SLC20A2: variants seen among roughly 807,000 people sequenced by gnomAD.
SLC20A2 encodes sodium-dependent phosphate transporter 2.
A neutral mutation model predicts 61.0 loss-of-function variants in SLC20A2; 30 were observed. That is an observed-to-expected ratio of 0.49 (90% CI 0.37 to 0.67). The LOEUF (loss-of-function observed/expected upper bound fraction) is 0.67, where lower values mean the gene tolerates loss of function less well. Among genes scored for constraint, SLC20A2 ranks in the 30% least tolerant of loss-of-function variants. SLC20A2 has a pLI of 0.00. For synonymous variants in SLC20A2, 351 were observed against 353.3 expected, an observed-to-expected ratio of 0.99 and a Z score of 0.07; for missense variants, 626 against 866.4, an observed-to-expected ratio of 0.72 and a Z score of 3.48.
chr8:42,428,666 A>C (rs1316458692), intron 10 of SLC20A2, 92 bp downstream of exon 10: 2 of 1,107,036 alleles, frequency 1.8e-6, no homozygotes, highest in Non-Finnish European at 2.6e-6. Context: ...ACAACCATCT[A>C]CAGAGCCCTA....
chr8:42,439,308 G>A, intron 7 of SLC20A2, 142 bp downstream of exon 7: 1 of 743,418 alleles, frequency 1.3e-6, no homozygotes, highest in Non-Finnish European at 2.1e-6. Flanking sequence ...GGCCTCCCTA[G>A]CTTCTGGGTT....
rs556540698 is a variant in SLC20A2 at position 42,429,999 on chromosome 8, C to T, written c.1709+65G>A. The T allele has an allele frequency of 2.0e-3, 2,902 of 1,428,492 alleles. 9 individuals are homozygous for T. Among genetic ancestry groups the T allele is most frequent in the Non-Finnish European group, 2.5e-3 (2,680 of 1,059,164 alleles). The allele number at this position is 1,428,492 out of a possible 1,614,324, so 88.5% of individuals were successfully genotyped here. ...GCTGAGCAGGCCGTTCAGACACAGC[C>T]GGGAAGCTCTACCCAGGCCTCGGAT... On this transcript the variant is annotated intron_variant, in intron 9 of 10. Transcript: ENST00000520262.
At chr8:42,536,203 G>C (rs1812686107) in intron 1 of SLC20A2, among the ~76,000 whole-genome samples, 1 of 152,108 alleles carries the variant, frequency 6.6e-6, no homozygotes, top group African/African-American at 2.4e-5. Context: ...TTTTATGCAG[G>C]CCATCCCGAA....
At chr8:42,448,023 C>T (rs73631783) in intron 5 of SLC20A2, among the ~76,000 whole-genome samples, 2,006 of 152,332 alleles carry the variant, frequency 0.013, 39 homozygotes, top group African/African-American at 0.043. Context: ...GGCTTCCCAG[C>T]GTCTGCTGTC....
intron 7 of SLC20A2, among the ~76,000 whole-genome samples, chr8:42,438,685 A>G (rs1343747951): frequency 1.3e-5 from 2 of 152,076 alleles, no homozygotes; most frequent in African/African-American, 4.8e-5. Context: ...TTGAGAGTCT[A>G]AAGGACACAG....
chr8:42,541,631 C>G (rs1228854718), intron 1 of SLC20A2: 1 of 149,936 alleles, frequency 6.7e-6, no homozygotes, highest in Non-Finnish European at 1.5e-5. Flanking sequence ...TTCCCGCGCG[C>G]CCGGCCCCGA....
chr8:42,504,457 GAGAA>G (rs746487094), upstream of SLC20A2, among the ~76,000 whole-genome samples: 57 of 152,002 alleles, frequency 3.7e-4, no homozygotes, highest in Non-Finnish European at 6.8e-4. Context: ...AAGATCCGAG[GAGAA>G]AGAAAGACTA....
chr8:42,483,445 G>A (rs1023049312), intron 1 of SLC20A2, among the ~76,000 whole-genome samples: 7 of 152,170 alleles, frequency 4.6e-5, no homozygotes, highest in African/African-American at 1.4e-4. Flanking sequence ...GCAGCCCACC[G>A]AAGTGAGCTC....
chr8:42,449,942 A>AT (rs1257205699), intron 5 of SLC20A2, among the ~76,000 whole-genome samples: 1 of 152,194 alleles, frequency 6.6e-6, no homozygotes, highest in African/African-American at 2.4e-5. Flanking sequence ...TATGCTGCGG[A>AT]TATCTTCTCA....
chr8:42,529,167 CTA>C (rs1348117633), intron 1 of SLC20A2, among the ~76,000 whole-genome samples: 1 of 152,048 alleles, frequency 6.6e-6, no homozygotes. Flanking sequence ...TGGAGTCTTG[CTA>C]TGTTAACTAG....
Position 42,425,770 on chromosome 8 carries a change from C to T in SLC20A2, c.1794+2988G>A, listed in dbSNP as rs559542029. ...CAAAGGAAACAAAACTGGCTGGGCACGGTGGCTCATGTCTGTAATCCCAGC... is the reference window on the plus strand; with the variant it reads ...CAAAGGAAACAAAACTGGCTGGGCATGGTGGCTCATGTCTGTAATCCCAGC... On this transcript the variant is annotated intron_variant, in intron 10 of 10. Coordinates refer to ENST00000520262, the MANE Select transcript of SLC20A2 (RefSeq NM_001257180.2). Among the ~76,000 whole-genome samples, 483 of 152,254 alleles carry T rather than the reference C, an allele frequency of 3.2e-3. 3 individuals carry two copies. Among genetic ancestry groups the T allele is most frequent in the African/African-American group, 0.011 (460 of 41,540 alleles).
At chr8:42,473,476 C>G (rs964306481) in intron 1 of SLC20A2, among the ~76,000 whole-genome samples, 8 of 152,122 alleles carry the variant, frequency 5.3e-5, no homozygotes, top group African/African-American at 1.9e-4. Flanking sequence ...GATCCCTCTG[C>G]AGGAAGAATC....
intron 1 of SLC20A2, among the ~76,000 whole-genome samples, chr8:42,511,663 A>C (rs1224431043): frequency 2.0e-5 from 3 of 152,082 alleles, no homozygotes; most frequent in East Asian, 3.9e-4. Context: ...TAGGGTAAGC[A>C]GTTCAAAGTC....
At chr8:42,423,302 G>C (rs1207075279) in intron 10 of SLC20A2, among the ~76,000 whole-genome samples, 1 of 150,898 alleles carries the variant, frequency 6.6e-6, no homozygotes, top group Non-Finnish European at 1.5e-5. Context: ...ATTGTAATTA[G>C]AGATCATGGT....
At chr8:42,508,309 T>C (rs972285396) in intron 1 of SLC20A2, among the ~76,000 whole-genome samples, 1 of 152,198 alleles carries the variant, frequency 6.6e-6, no homozygotes, top group Admixed American at 6.5e-5. Flanking sequence ...TGAGACCCTA[T>C]CTCCATTTTC....
intron 3 of SLC20A2, chr8:42,463,478 G>A (rs1429144428): frequency 6.5e-6 from 1 of 154,460 alleles, no homozygotes; most frequent in Non-Finnish European, 1.4e-5. Flanking sequence ...TAAAAGCTGG[G>A]CCAACTTCCA....
intron 5 of SLC20A2, among the ~76,000 whole-genome samples, chr8:42,456,975 G>C (rs1487165150): frequency 6.6e-6 from 1 of 152,064 alleles, no homozygotes; most frequent in Non-Finnish European, 1.5e-5. Context: ...CGAGGCTGGA[G>C]TGCAGTGGCG....
At position 42,439,408 on chromosome 8, in the gene SLC20A2, T is replaced by C. The variant is rs757032853; in HGVS notation, c.934+42A>G. The C allele has an allele frequency of 6.2e-6, 10 of 1,604,982 alleles. No homozygotes were observed. In the East Asian group the frequency reaches 8.9e-5, roughly 14 times the overall value. On this transcript the variant is annotated intron_variant, in intron 7 of 10. Coordinates refer to ENST00000520262, the MANE Select transcript of SLC20A2 (RefSeq NM_001257180.2). The stretch of plus-strand genomic sequence containing the variant: ...CAGCTGGTCCTCCCCAGGGAACTTC[T>C]CTGTGCTGCCACAGAACCCAAGCTC...
intron 1 of SLC20A2, among the ~76,000 whole-genome samples, chr8:42,529,421 A>G (rs1467294780): frequency 6.6e-6 from 1 of 152,158 alleles, no homozygotes. Flanking sequence ...ATTACAGAAA[A>G]TATGTTTTAT....
Sources: gnomAD v4.1 joint callset for allele counts (sites outside exome capture counted in the v4.1 genomes callset) on GRCh38, gnomAD v4.1.1 for gene constraint, MANE v1.5 for transcripts, NCBI Gene and HGNC (gene_info 2026-07-23, HGNC 2026-07-21) for gene names.